The following GSPT1 variants were observed in gnomAD, a reference collection of about 807,000 sequenced individuals.
GSPT1 encodes the protein G1 to S phase transition 1, also known as eukaryotic peptide chain release factor GTP-binding subunit ERF3A.
Under a neutral mutation model 72.5 loss-of-function variants are expected in GSPT1, and 20 were observed. That is an observed-to-expected ratio of 0.28 (90% confidence interval 0.19 to 0.40). The LOEUF (loss-of-function observed/expected upper bound fraction) is 0.40. Ranked by LOEUF, GSPT1 falls within the 10% of genes least tolerant of loss-of-function variation. GSPT1 has a pLI of 1.00. For synonymous variants in GSPT1, 334 were observed against 293.5 expected (o/e 1.14, Z -1.41); for missense variants, 580 against 811.9 (o/e 0.71, Z 3.47).
rs1461304897 is a variant in GSPT1, at chr16:11,869,500, G to A, written c.*3619C>T. ...AAGGATTAATGGCACAGTTTGATAAGGTAAGCCAACAATGAATATAACATT... is the reference window on the plus strand; with the variant it reads ...AAGGATTAATGGCACAGTTTGATAAAGTAAGCCAACAATGAATATAACATT... On this transcript the variant is annotated 3_prime_UTR_variant, in exon 15 of 15. Coordinates refer to ENST00000434724, the MANE Select transcript of GSPT1 (RefSeq NM_002094.4). 1.3e-5 allele frequency: 2 copies of A among 152,174 alleles called. No individual in the cohort carries two copies. Among genetic ancestry groups the A allele is most frequent in the Non-Finnish European group, 2.9e-5 (2 of 68,048 alleles). 9.4% of individuals were successfully genotyped at this position (152,174 alleles called of 1,614,324 possible). A position where few individuals can be genotyped will look rare whatever the true frequency, so the allele number is the denominator to read the frequency against.
chr16:11,884,814 C>A (rs2054167156), intron 10 of GSPT1, among the ~76,000 whole-genome samples: 1 of 150,278 alleles, frequency 6.7e-6, no homozygotes, highest in African/African-American at 2.4e-5. Context: ...CGCCTGTAAT[C>A]CCAGCACCTT....
At chr16:11,914,846 T>A in intron 1 of GSPT1, 1 of 417,690 alleles carries the variant, frequency 2.4e-6, no homozygotes, top group South Asian at 2.0e-5. Flanking sequence ...TTCAGGACGG[T>A]TGGGGGCCAC....
intron 3 of GSPT1, 29 bp from the exon 4 acceptor site, chr16:11,896,814 C>G: frequency 1.5e-6 from 2 of 1,340,520 alleles, no homozygotes; most frequent in Non-Finnish European, 2.1e-6. Context: ...ACTTAGTATT[C>G]TGAAAAAGAC....
At chr16:11,894,155 CAAAAAAAAAAAAAAAAAAAAAA>C (rs57226427) in intron 5 of GSPT1, among the ~76,000 whole-genome samples, 61 of 42,680 alleles carry the variant, frequency 1.4e-3, no homozygotes, top group South Asian at 8.0e-3. Flanking sequence ...GACCCTATCT[CAAAAAAAAAAAAAAAAAAAAAA>C]AAAAAAAAAA....
intron 1 of GSPT1, among the ~76,000 whole-genome samples, chr16:11,909,890 C>T (rs907328051): frequency 1.3e-5 from 2 of 152,024 alleles, no homozygotes; most frequent in African/African-American, 4.8e-5. Context: ...AGGGCCACTG[C>T]ACTCCAGCCT....
rs1345226053 is a variant in GSPT1 at position 11,915,879 on chromosome 16, C to T, written c.-159G>A. On this transcript the variant is annotated 5_prime_UTR_variant, in exon 1 of 15. Transcript: ENST00000434724. Reference sequence around the variant, plus strand: ...CCCGGCGTCGCCGCGGCAGCAGCTCCAGTCCCGACTCCACACTCGCGACGA... The same window carrying T: ...CCCGGCGTCGCCGCGGCAGCAGCTCTAGTCCCGACTCCACACTCGCGACGA... The T allele has an allele frequency of 9.3e-7, 1 of 1,076,342 alleles. No homozygotes were observed. Among genetic ancestry groups the T allele is most frequent in the Non-Finnish European group, 1.4e-6 (1 of 709,484 alleles). 66.7% of individuals were successfully genotyped at this position (1,076,342 alleles called of 1,614,324 possible).
chr16:11,907,204 C>T (rs1460919900), intron 1 of GSPT1, among the ~76,000 whole-genome samples: 1 of 152,168 alleles, frequency 6.6e-6, no homozygotes, highest in East Asian at 1.9e-4. Context: ...CAGAGAAATG[C>T]CATGGTCCAA....
chr16:11,893,659 C>T (rs1392117565), intron 5 of GSPT1, among the ~76,000 whole-genome samples: 1 of 152,136 alleles, frequency 6.6e-6, no homozygotes, highest in Non-Finnish European at 1.5e-5. Context: ...TAGTGCAGTG[C>T]ACCTAAGCAT....
chr16:11,900,104 C>T (rs908060884), intron 1 of GSPT1, among the ~76,000 whole-genome samples: 2 of 151,918 alleles, frequency 1.3e-5, no homozygotes, highest in South Asian at 2.1e-4. Flanking sequence ...GAGGCGGAAG[C>T]GGGGGGATCA....
chr16:11,911,852 G>GTCTTTTTTTTTTT (rs1248759113), intron 1 of GSPT1, among the ~76,000 whole-genome samples: 1 of 60,416 alleles, frequency 1.7e-5, no homozygotes, highest in Non-Finnish European at 3.6e-5. Flanking sequence ...GCACCCAGCT[G>GTCTTTTTTTTTTT]TATTTTTTTT....
At chr16:11,884,962 GGAGGCT>G (rs1044140924) in intron 10 of GSPT1, among the ~76,000 whole-genome samples, 64 of 152,044 alleles carry the variant, frequency 4.2e-4, no homozygotes, top group African/African-American at 1.4e-3. Context: ...TAGCTACTCA[GGAGGCT>G]GAGGCAGGAG....
chr16:11,912,893 C>A (rs1228739593), intron 1 of GSPT1, among the ~76,000 whole-genome samples: 4 of 152,142 alleles, frequency 2.6e-5, no homozygotes, highest in Non-Finnish European at 5.9e-5. Context: ...TCTTAAGGAA[C>A]CTATATTCTT....
chr16:11,895,839 C>A (rs965937755), intron 4 of GSPT1, among the ~76,000 whole-genome samples: 7 of 152,318 alleles, frequency 4.6e-5, no homozygotes, highest in East Asian at 3.9e-4. Flanking sequence ...GTTGGCCAGG[C>A]TGGTCTTGAA....
chr16:11,891,914 G>T (rs1196080003), intron 5 of GSPT1, among the ~76,000 whole-genome samples: 1 of 151,970 alleles, frequency 6.6e-6, no homozygotes, highest in Non-Finnish European at 1.5e-5. Context: ...GCCAGCCTCA[G>T]CCTCCCAAAG....
At position 11,887,651 on chromosome 16, in the gene GSPT1, G is replaced by A. The variant is rs1210300505; in HGVS notation, c.876C>T (p.Phe292=). The A allele has an allele frequency of 6.2e-7, 1 of 1,613,528 alleles. No homozygotes were observed. Among genetic ancestry groups the A allele is most frequent in the East Asian group, 2.2e-5 (1 of 44,878 alleles). ...RAYFETEKKH[F]TILDAPGHKS... ...TGTGGCCAGGGGCATCTAGAATTGT[G>A]AAATGCTTCTTTTCGGTTTCAAAAT... Residue 292 remains phenylalanine (F), a synonymous_variant, in exon 7 of 15, where the codon TTC becomes TTT. Coordinates refer to ENST00000434724, the MANE Select transcript of GSPT1 (RefSeq NM_002094.4).
rs1158026034 is a variant in GSPT1 at position 11,911,854 on chromosome 16, A to ATTTTTTTTTTTT, written c.352+3503_352+3514dup. On this transcript the variant is annotated intron_variant, in intron 1 of 14. Transcript: ENST00000434724. ...GGCATGAGCCACTGCACCCAGCTGTATTTTTTTTTTTTTTTTTTTTTTTTT... is the reference window on the plus strand; with the variant it reads ...GGCATGAGCCACTGCACCCAGCTGTATTTTTTTTTTTTTTTTTTTTTTTTTTTTTTTTTTTTT... Among the ~76,000 whole-genome samples, 186 of 45,410 alleles carry ATTTTTTTTTTTT rather than the reference A, an allele frequency of 4.1e-3. 35 individuals are homozygous for ATTTTTTTTTTTT. The highest frequency in any genetic ancestry group is 5.9e-3 in the Non-Finnish European group (155 of 26,442). The allele number at this position is 45,410 out of a possible 152,430, so 29.8% of individuals were successfully genotyped here. A position where few individuals can be genotyped will look rare whatever the true frequency, so the allele number is the denominator to read the frequency against.
chr16:11,885,511 GC>G (rs2054176608), intron 9 of GSPT1, among the ~76,000 whole-genome samples: 1 of 152,068 alleles, frequency 6.6e-6, no homozygotes, highest in South Asian at 2.1e-4. Flanking sequence ...ATAGCAAATA[GC>G]CTACATGTAA....
chr16:11,892,533 A>AAAAAAAAAAAAAAAAAAT (rs2054279810), intron 5 of GSPT1, among the ~76,000 whole-genome samples: 1 of 131,290 alleles, frequency 7.6e-6, no homozygotes, highest in South Asian at 2.2e-4. Context: ...CAAAAAAAAC[A>AAAAAAAAAAAAAAAAAAT]AAAAATAAAA....
chr16:11,880,367 C>G lies in GSPT1; in HGVS notation c.1428+2648G>C, dbSNP rs1416011028. The G allele has an allele frequency of 3.3e-5, 5 of 152,138 alleles. 1 individual carries two copies. In the East Asian group the frequency reaches 9.6e-4, roughly 29 times the overall value. 9.4% of individuals were successfully genotyped at this position (152,138 alleles called of 1,614,324 possible). A position where few individuals can be genotyped will look rare whatever the true frequency, so the allele number is the denominator to read the frequency against. On this transcript the variant is annotated intron_variant, in intron 11 of 14. Transcript: ENST00000434724. ...AGTATTGCTGGATTATGTGGGAAAT[C>G]TATGTTTAATTTTTTGAGGAACTGC...
Sources: allele counts gnomAD v4.1 joint callset (sites outside exome capture counted in the v4.1 genomes callset), GRCh38; gene constraint gnomAD v4.1.1; transcripts MANE v1.5; gene names NCBI Gene and HGNC (gene_info 2026-07-23, HGNC 2026-07-21).